The following SOCS5 variants were observed in gnomAD, a reference collection of about 807,000 sequenced individuals.
The protein encoded by SOCS5 is CIS-6.
A neutral mutation model predicts 42.8 loss-of-function variants in SOCS5; 32 were observed. The ratio of observed to expected loss-of-function variants is 0.75; its 90% CI spans 0.56 to 1.01. The LOEUF is 1.01. Among genes scored for constraint, SOCS5 ranks in the 50% least tolerant of loss-of-function variants. The probability of loss-of-function intolerance (pLI) is 0.00; values close to 1 mark genes in which losing one functional copy is unlikely to be tolerated. For synonymous variants in SOCS5, 283 were observed against 229.6 expected, an observed-to-expected ratio of 1.23 and a Z score of -2.10; for missense variants, 627 against 653.0, an observed-to-expected ratio of 0.96 and a Z score of 0.43.
intron 1 of SOCS5, among the ~76,000 whole-genome samples, chr2:46,717,791 A>G (rs1469059952): frequency 6.6e-6 from 1 of 151,876 alleles, no homozygotes; most frequent in Non-Finnish European, 1.5e-5. Context: ...AGGTCTTTTC[A>G]CTCTAGCTTA....
chr2:46,713,740 A>T lies in SOCS5; in HGVS notation c.-13+14291A>T, dbSNP rs1401581420. Among the ~76,000 whole-genome samples the T allele has an allele frequency of 3.9e-5, 6 of 152,160 alleles. No individual in the cohort carries two copies. In the East Asian group the frequency reaches 9.6e-4, roughly 24 times the overall value. On this transcript the variant is annotated intron_variant, in intron 1 of 1. Transcript: ENST00000394861. The stretch of plus-strand genomic sequence containing the variant: ...TTTCCCTAGTTTTAAGTGAAAGCTT[A>T]GATCATTGATTTTCGAAACTCCTTT...
chr2:46,710,463 A>C (rs1233258600), intron 1 of SOCS5, among the ~76,000 whole-genome samples: 2 of 152,182 alleles, frequency 1.3e-5, no homozygotes, highest in East Asian at 1.9e-4. Flanking sequence ...TTTTTTTAAA[A>C]AGTGGAAGTG....
In SOCS5 at chr2:46,760,468, A is replaced by G. The variant is rs1264521290; in HGVS notation, c.*327A>G. The G allele has an allele frequency of 4.4e-6, 1 of 228,650 alleles. No individual in the cohort carries two copies. The highest frequency in any genetic ancestry group is 9.3e-6 in the Non-Finnish European group (1 of 107,646). The allele number at this position is 228,650 out of a possible 1,614,324, so 14.2% of individuals were successfully genotyped here. On this transcript the variant is annotated 3_prime_UTR_variant, in exon 2 of 2. Coordinates refer to ENST00000394861, the MANE Select transcript of SOCS5 (RefSeq NM_144949.3). Reference sequence around the variant, plus strand: ...AGAATTCTATTTCTTACTGAAGAACAAATTATTAATATTGGATGAGTATTT... The same window carrying G: ...AGAATTCTATTTCTTACTGAAGAACGAATTATTAATATTGGATGAGTATTT...
intron 1 of SOCS5, among the ~76,000 whole-genome samples, chr2:46,751,195 C>T (rs1230144782): frequency 6.6e-6 from 1 of 152,068 alleles, no homozygotes; most frequent in Non-Finnish European, 1.5e-5. Flanking sequence ...GAGCCTGGTA[C>T]ATTGTTAGCC....
intron 1 of SOCS5, among the ~76,000 whole-genome samples, chr2:46,754,177 G>A (rs192713960): frequency 1.3e-5 from 2 of 152,148 alleles, no homozygotes; most frequent in Admixed American, 6.5e-5. Context: ...TTCAGAGTAG[G>A]TCTACTAGTT....
chr2:46,708,805 A>T (rs1672551281), intron 1 of SOCS5, among the ~76,000 whole-genome samples: 1 of 148,644 alleles, frequency 6.7e-6, no homozygotes, highest in African/African-American at 2.5e-5. Flanking sequence ...CCTCAACTAG[A>T]GTTTCTTTTT....
At chr2:46,714,269 GTTTC>G (rs1672690710) in intron 1 of SOCS5, among the ~76,000 whole-genome samples, 1 of 152,128 alleles carries the variant, frequency 6.6e-6, no homozygotes, top group Non-Finnish European at 1.5e-5. Context: ...GGATTTGTCT[GTTTC>G]TTCTTTCAGT....
intron 1 of SOCS5, among the ~76,000 whole-genome samples, chr2:46,725,937 T>G (rs1672981189): frequency 6.6e-6 from 1 of 152,142 alleles, no homozygotes; most frequent in Non-Finnish European, 1.5e-5. Flanking sequence ...AACTGCATTG[T>G]TTCTGGTTAG....
At chr2:46,736,631 A>G (rs1256200109) in intron 1 of SOCS5, among the ~76,000 whole-genome samples, 1 of 152,182 alleles carries the variant, frequency 6.6e-6, no homozygotes, top group African/African-American at 2.4e-5. Flanking sequence ...AGGTACATCC[A>G]TGTTGTAGCA....
At chr2:46,698,953 G>A, upstream of SOCS5, 1 of 152,466 alleles carries the variant, frequency 6.6e-6, no homozygotes, top group Non-Finnish European at 1.5e-5. Context: ...CTCCAAAATG[G>A]CAGCCGCGCA....
rs1331576397 is a variant in SOCS5, at chr2:46,709,594, A to ACTTTCTATTGG, written c.-13+10145_-13+10146insCTTTCTATTGG. Among the ~76,000 whole-genome samples the ACTTTCTATTGG allele has an allele frequency of 4.1e-4, 63 of 152,208 alleles. 1 individual carries two copies. The highest frequency in any genetic ancestry group is 1.5e-3 in the African/African-American group (62 of 41,450). ...AGTACCAAGAAAGTAATAGAACATTAAGGGTGGAGCAGCAGGGGGAAGTGA... is the reference window on the plus strand; with the variant it reads ...AGTACCAAGAAAGTAATAGAACATTACTTTCTATTGGAGGGTGGAGCAGCAGGGGGAAGTGA... On this transcript the variant is annotated intron_variant, in intron 1 of 1. Coordinates refer to ENST00000394861, the MANE Select transcript of SOCS5 (RefSeq NM_144949.3).
Position 46,759,909 on chromosome 2 carries a change from A to T in SOCS5, c.1379A>T (p.Lys460Ile). The T allele has an allele frequency of 6.2e-7, 1 of 1,614,112 alleles. No homozygotes were observed. Among genetic ancestry groups the T allele is most frequent in the Non-Finnish European group, 8.5e-7 (1 of 1,180,018 alleles). ...STVTGLLEHY[K>I]DPSSCMFFEP... ...GTAACGGGACTTTTAGAACATTATAAAGATCCCAGTTCGTGCATGTTTTTT... is the reference window on the plus strand; with the variant it reads ...GTAACGGGACTTTTAGAACATTATATAGATCCCAGTTCGTGCATGTTTTTT... The change falls in exon 2 of 2, where the codon AAA becomes ATA. Residue 460 changes from lysine (K) to isoleucine (I), a missense_variant. Lys to Ile is a moderately radical substitution (Grantham distance 102). Coordinates refer to ENST00000394861, the MANE Select transcript of SOCS5 (RefSeq NM_144949.3).
intron 1 of SOCS5, among the ~76,000 whole-genome samples, chr2:46,731,677 G>A (rs551853722): frequency 2.6e-5 from 4 of 152,260 alleles, no homozygotes; most frequent in Admixed American, 2.6e-4. Context: ...AAAATACTGC[G>A]TCCAGTCAGT....
In SOCS5 at chr2:46,699,642, G is replaced by T. The variant is rs1405107390; in HGVS notation, c.-13+193G>T. Among the ~76,000 whole-genome samples, 6 of 152,156 alleles carry T rather than the reference G, an allele frequency of 3.9e-5. No homozygotes were observed. In the South Asian group the frequency reaches 1.0e-3, roughly 26 times the overall value. On this transcript the variant is annotated intron_variant, in intron 1 of 1. Transcript: ENST00000394861. The surrounding 1 kb of genome is among the most constrained non-coding windows in gnomAD (Gnocchi z 4.8). ...TGGCCGGGAAAAGGACTGCTAGCCC[G>T]GGCCGCGAGCCCCGTGCAGACCACG...
rs1316743517 is a variant in SOCS5 at position 46,707,031 on chromosome 2, A to G, written c.-13+7582A>G. On this transcript the variant is annotated intron_variant, in intron 1 of 1. Transcript: ENST00000394861. Reference sequence around the variant, plus strand: ...GCTGTACAAATGAGGATGGAGGAATACTGATGTTCCTTTGAAGAGTGGACA... The same window carrying G: ...GCTGTACAAATGAGGATGGAGGAATGCTGATGTTCCTTTGAAGAGTGGACA... 2.6e-5 allele frequency among the ~76,000 whole-genome samples: 4 copies of G among 152,338 alleles called. No homozygotes were observed. The East Asian group carries it at 5.8e-4, about 22-fold the overall frequency.
chr2:46,744,355 G>A (rs1226819104), intron 1 of SOCS5, among the ~76,000 whole-genome samples: 2 of 152,154 alleles, frequency 1.3e-5, no homozygotes, highest in Non-Finnish European at 2.9e-5. Flanking sequence ...CTCTTAAGAA[G>A]TTGAGAGCAT....
chr2:46,759,890 G>A lies in SOCS5; in HGVS notation c.1360G>A (p.Gly454Arg), dbSNP rs1457719608. The A allele has an allele frequency of 6.2e-7, 1 of 1,613,946 alleles. No individual in the cohort carries two copies. The highest frequency in any genetic ancestry group is 1.3e-5 in the African/African-American group (1 of 74,874). The change falls in exon 2 of 2, where the codon GGA becomes AGA. Residue 454 changes from glycine to arginine, a missense_variant. Transcript: ENST00000394861. Reference sequence around the variant, plus strand: ...TGTATTTCACTCCTCCACTGTAACGGGACTTTTAGAACATTATAAAGATCC... The same window carrying A: ...TGTATTTCACTCCTCCACTGTAACGAGACTTTTAGAACATTATAAAGATCC... ...PCVFHSSTVT[G>R]LLEHYKDPSS...
rs543818683 is a variant in SOCS5 at position 46,762,534 on chromosome 2, G to GTA, written c.*2396_*2397dup. The GTA allele has an allele frequency of 3.3e-3, 544 of 166,424 alleles. 2 individuals are homozygous for GTA. The highest frequency in any genetic ancestry group is 4.3e-3 in the Non-Finnish European group (290 of 68,062). The allele number at this position is 166,424 out of a possible 1,614,324, so 10.3% of individuals were successfully genotyped here. A position where few individuals can be genotyped will look rare whatever the true frequency, so the allele number is the denominator to read the frequency against. ...AATGTGTTTGAGTTTATGTAAGCAT[G>GTA]TATACACTGTGCTAAAAGTCACATG... On this transcript the variant is annotated 3_prime_UTR_variant, in exon 2 of 2. Transcript: ENST00000394861.
intron 1 of SOCS5, among the ~76,000 whole-genome samples, chr2:46,713,059 A>G (rs1156358697): frequency 6.6e-6 from 1 of 152,228 alleles, no homozygotes; most frequent in Non-Finnish European, 1.5e-5. Context: ...TTTAATTTAT[A>G]AAAGAATGAA....
Sources: allele counts gnomAD v4.1 joint callset (sites outside exome capture counted in the v4.1 genomes callset), GRCh38; gene constraint gnomAD v4.1.1; non-coding constraint Gnocchi (gnomAD v3.1); transcripts MANE v1.5; gene names NCBI Gene and HGNC (gene_info 2026-07-23, HGNC 2026-07-21).